Variants in PTPRD observed in about 807,000 individuals in gnomAD.
The protein encoded by PTPRD is protein tyrosine phosphatase receptor type D, also known as receptor-type tyrosine-protein phosphatase delta.
In PTPRD, 34 loss-of-function variants were observed where a neutral mutation model predicts 214.5. The observed-to-expected ratio is 0.16, with a 90% CI of 0.12 to 0.21. The LOEUF is 0.21. PTPRD is among the 10% of genes least tolerant of loss of function. PTPRD has a pLI of 1.00. For synonymous variants in PTPRD, 1,128 were observed against 845.7 expected (o/e 1.33, Z -5.79); for missense variants, 2,545 against 2,398.7 (o/e 1.06, Z -1.27).
At chr9:9,359,691 C>T (rs2138926334) in intron 9 of PTPRD, among the ~76,000 whole-genome samples, 1 of 151,352 alleles carries the variant, frequency 6.6e-6, no homozygotes, top group Middle Eastern at 3.4e-3. Context: ...TGGTTCTAAG[C>T]TGATTTTCTT....
chr9:9,436,091 C>A (rs2085133429), intron 8 of PTPRD, among the ~76,000 whole-genome samples: 1 of 152,156 alleles, frequency 6.6e-6, no homozygotes, highest in African/African-American at 2.4e-5. Flanking sequence ...CCTAGAAATG[C>A]AAGGGAATAA....
chr9:8,448,316 A>G (rs1441072398), intron 34 of PTPRD, among the ~76,000 whole-genome samples: 1 of 152,192 alleles, frequency 6.6e-6, no homozygotes, highest in Non-Finnish European at 1.5e-5. Flanking sequence ...CAATCGAGTG[A>G]GACTCTGTCT....
intron 2 of PTPRD, among the ~76,000 whole-genome samples, chr9:10,449,045 C>T (rs1452718112): frequency 6.6e-6 from 1 of 151,934 alleles, no homozygotes; most frequent in Non-Finnish European, 1.5e-5. Context: ...AAAAGATTCT[C>T]TCCCTCTCCG....
Position 9,493,682 on chromosome 9 carries a change from G to A in PTPRD, c.-237+81050C>T, listed in dbSNP as rs563023174. On this transcript the variant is annotated intron_variant, in intron 8 of 45. Transcript: ENST00000381196. ...GGTAGCCTGTAGTCCCAGCTACTCA[G>A]GAGGCTGAGGCAGGAGAATGGCGTG... is the stretch of plus-strand genomic sequence containing the variant. 5.1e-3 allele frequency among the ~76,000 whole-genome samples: 765 copies of A among 151,152 alleles called. 4 individuals carry two copies. The highest frequency in any genetic ancestry group is 6.8e-3 in the Non-Finnish European group (463 of 67,802).
chr9:9,993,712 T>C (rs1241404747), intron 4 of PTPRD, among the ~76,000 whole-genome samples: 2 of 152,182 alleles, frequency 1.3e-5, no homozygotes, highest in East Asian at 3.8e-4. Context: ...TTGACTGAAA[T>C]ACTAATTACA....
At chr9:10,168,000 T>A (rs1199431006) in intron 3 of PTPRD, among the ~76,000 whole-genome samples, 1 of 152,194 alleles carries the variant, frequency 6.6e-6, no homozygotes, top group Non-Finnish European at 1.5e-5. Context: ...TGTACCTCAG[T>A]GACCATTATC....
At chr9:9,948,165 G>A (rs2093028368) in intron 4 of PTPRD, among the ~76,000 whole-genome samples, 1 of 151,944 alleles carries the variant, frequency 6.6e-6, no homozygotes, top group Admixed American at 6.6e-5. Flanking sequence ...ATCATTCAGG[G>A]CCCTATTCAA....
Position 10,122,700 on chromosome 9 carries a change from C to T in PTPRD, c.-544-88910G>A, listed in dbSNP as rs547352811. 5.3e-5 allele frequency among the ~76,000 whole-genome samples: 8 copies of T among 152,314 alleles called. No homozygotes were observed. In the South Asian group the frequency reaches 1.7e-3, roughly 32 times the overall value. The stretch of plus-strand genomic sequence containing the variant: ...TAAAATTTATGCATCTAAATCACAG[C>T]TCTAGTTTGCATATAGATATTAATA... On this transcript the variant is annotated intron_variant, in intron 3 of 45. Coordinates refer to ENST00000381196, the MANE Select transcript of PTPRD (RefSeq NM_002839.4).
chr9:9,438,191 A>G (rs1307173118), intron 8 of PTPRD, among the ~76,000 whole-genome samples: 1 of 152,204 alleles, frequency 6.6e-6, no homozygotes, highest in African/African-American at 2.4e-5. Flanking sequence ...CTTTAGCATC[A>G]TATTATGAGG....
chr9:9,997,855 C>T (rs893645936), intron 4 of PTPRD, among the ~76,000 whole-genome samples: 2 of 151,728 alleles, frequency 1.3e-5, no homozygotes, highest in African/African-American at 4.8e-5. Context: ...CATGGCCACC[C>T]CCAGATAGCT....
At chr9:10,099,327 A>G (rs433922) in intron 3 of PTPRD, among the ~76,000 whole-genome samples, 104,066 of 151,358 alleles carry the variant, frequency 0.69, 37,546 homozygotes, top group African/African-American at 0.9. Context: ...GAATAAAATA[A>G]CATCCTCCAA....
intron 9 of PTPRD, among the ~76,000 whole-genome samples, chr9:9,379,299 T>C (rs1463958113): frequency 6.6e-6 from 1 of 150,928 alleles, no homozygotes; most frequent in African/African-American, 2.4e-5. Flanking sequence ...GGATTATCTT[T>C]ACTCCATTGT....
intron 43 of PTPRD, among the ~76,000 whole-genome samples, chr9:8,332,337 T>C (rs973143148): frequency 3.3e-5 from 5 of 152,140 alleles, no homozygotes; most frequent in Admixed American, 2.6e-4. Context: ...ATGCCCCCCA[T>C]GTCTCAGAGG....
At chr9:9,849,644 G>A (rs2060174989) in intron 5 of PTPRD, among the ~76,000 whole-genome samples, 1 of 151,062 alleles carries the variant, frequency 6.6e-6, no homozygotes, top group Non-Finnish European at 1.5e-5. Context: ...AGGTGTGATT[G>A]CTAAGCTCTT....
intron 7 of PTPRD, among the ~76,000 whole-genome samples, chr9:9,625,416 T>A (rs1564136950): frequency 6.6e-6 from 1 of 152,182 alleles, no homozygotes; most frequent in Non-Finnish European, 1.5e-5. Flanking sequence ...CTTCGCACTG[T>A]ATTAATAGCA....
chr9:9,849,043 G>A (rs2060062317), intron 5 of PTPRD, among the ~76,000 whole-genome samples: 1 of 151,396 alleles, frequency 6.6e-6, no homozygotes, highest in Non-Finnish European at 1.5e-5. Flanking sequence ...GTATTTGGAT[G>A]GTCACTTAAA....
chr9:10,292,107 T>A (rs1209390482), intron 3 of PTPRD, among the ~76,000 whole-genome samples: 2 of 152,090 alleles, frequency 1.3e-5, no homozygotes, highest in East Asian at 3.9e-4. Context: ...AGGAAAAATG[T>A]AAATCATTCA....
chr9:9,712,867 G>T (rs188196223), intron 7 of PTPRD, among the ~76,000 whole-genome samples: 43 of 152,158 alleles, frequency 2.8e-4, no homozygotes, highest in Non-Finnish European at 4.4e-4. Context: ...GTTTTTAATA[G>T]GTTATGTTAT....
intron 9 of PTPRD, among the ~76,000 whole-genome samples, chr9:9,326,668 T>A (rs2136274229): frequency 6.6e-6 from 1 of 151,370 alleles, no homozygotes; most frequent in Non-Finnish European, 1.5e-5. Flanking sequence ...AATGAGCAAG[T>A]AAGATAAAGA....
Sources: allele counts gnomAD v4.1 joint callset (sites outside exome capture counted in the v4.1 genomes callset), GRCh38; gene constraint gnomAD v4.1.1; transcripts MANE v1.5; gene names NCBI Gene and HGNC (gene_info 2026-07-23, HGNC 2026-07-21).